PTPRM: variants seen among roughly 807,000 people sequenced by gnomAD.
PTPRM encodes the protein protein tyrosine phosphatase receptor type M.
A neutral mutation model predicts 186.7 loss-of-function variants in PTPRM; 47 were observed. The ratio of observed to expected loss-of-function variants is 0.25; its 90% CI spans 0.20 to 0.32. The LOEUF (loss-of-function observed/expected upper bound fraction) is 0.32, where lower values mean the gene tolerates loss of function less well. Ranked by LOEUF, PTPRM falls within the 10% of genes least tolerant of loss-of-function variation. The pLI, the probability that PTPRM is intolerant of heterozygous loss-of-function variation, is 1.00. For synonymous variants in PTPRM, 668 were observed against 674.9 expected, an observed-to-expected ratio of 0.99 and a Z score of 0.16; for missense variants, 1,494 against 1,865.0, an observed-to-expected ratio of 0.80 and a Z score of 3.66.
chr18:7,742,311 C>CA (rs923273920), intron 1 of PTPRM, among the ~76,000 whole-genome samples: 27 of 151,954 alleles, frequency 1.8e-4, no homozygotes, highest in Non-Finnish European at 3.7e-4. Flanking sequence ...GAATGGATGC[C>CA]AAAAAATGGG....
intron 19 of PTPRM, among the ~76,000 whole-genome samples, chr18:8,273,315 G>A (rs913975766): frequency 6.6e-6 from 1 of 152,144 alleles, no homozygotes; most frequent in African/African-American, 2.4e-5. Flanking sequence ...GTAAAATGGA[G>A]TGAATATCTG....
chr18:8,119,663 C>G (rs1376165318), intron 13 of PTPRM, among the ~76,000 whole-genome samples: 2 of 151,980 alleles, frequency 1.3e-5, no homozygotes, highest in Admixed American at 1.3e-4. Context: ...CCGGAAAAAC[C>G]CTATGCTTTC....
At chr18:8,229,198 C>T (rs1222156236) in intron 14 of PTPRM, among the ~76,000 whole-genome samples, 1 of 152,024 alleles carries the variant, frequency 6.6e-6, no homozygotes, top group Non-Finnish European at 1.5e-5. Context: ...TACCACATGC[C>T]AGGCACTTTC....
chr18:8,390,530 C>T (rs1303083514), intron 31 of PTPRM, among the ~76,000 whole-genome samples: 3 of 152,124 alleles, frequency 2.0e-5, no homozygotes, highest in African/African-American at 4.8e-5. Flanking sequence ...ACAAAGGACT[C>T]GGCCACAATG....
intron 22 of PTPRM, among the ~76,000 whole-genome samples, chr18:8,342,936 G>GA (rs33915601): frequency 1.9e-4 from 29 of 151,060 alleles, no homozygotes; most frequent in African/African-American, 5.6e-4. Context: ...AAGTCAAGCA[G>GA]AAAAAAAAAT....
intron 14 of PTPRM, among the ~76,000 whole-genome samples, chr18:8,189,534 G>T (rs778435246): frequency 1.3e-5 from 2 of 152,138 alleles, no homozygotes; most frequent in Admixed American, 6.5e-5. Flanking sequence ...AGCCCAAAGC[G>T]AAATAAAGCC....
intron 5 of PTPRM, among the ~76,000 whole-genome samples, chr18:7,935,035 A>G (rs1393595907): frequency 6.6e-6 from 1 of 151,038 alleles, no homozygotes; most frequent in Non-Finnish European, 1.5e-5. Context: ...TTTGTTGATT[A>G]TAAGGAAAAA....
At chr18:8,044,407 A>G (rs1600229032) in intron 7 of PTPRM, among the ~76,000 whole-genome samples, 1 of 152,170 alleles carries the variant, frequency 6.6e-6, no homozygotes, top group African/African-American at 2.4e-5. Flanking sequence ...TGGATCATCT[A>G]GTGAATGGAG....
intron 19 of PTPRM, among the ~76,000 whole-genome samples, chr18:8,255,628 A>G (rs2094567397): frequency 6.6e-6 from 1 of 152,250 alleles, no homozygotes; most frequent in Non-Finnish European, 1.5e-5. Flanking sequence ...TTCATTTAAA[A>G]AAAAAGAAGG....
intron 1 of PTPRM, among the ~76,000 whole-genome samples, chr18:7,742,488 G>C (rs995621902): frequency 6.6e-6 from 1 of 152,122 alleles, no homozygotes; most frequent in African/African-American, 2.4e-5. Context: ...TATTTATAGT[G>C]CCAGGAAATT....
At chr18:8,240,296 A>G (rs2094400388) in intron 14 of PTPRM, among the ~76,000 whole-genome samples, 1 of 151,832 alleles carries the variant, frequency 6.6e-6, no homozygotes, top group South Asian at 2.1e-4. Flanking sequence ...TCTTTTGGGT[A>G]TATTGTATTT....
At chr18:8,235,736 T>G (rs533292741) in intron 14 of PTPRM, among the ~76,000 whole-genome samples, 4 of 152,278 alleles carry the variant, frequency 2.6e-5, no homozygotes, top group African/African-American at 9.6e-5. Context: ...TAAGCACCTC[T>G]TTTGCTACAT....
intron 14 of PTPRM, among the ~76,000 whole-genome samples, chr18:8,232,264 C>T (rs2094296266): frequency 6.6e-6 from 1 of 152,230 alleles, no homozygotes; most frequent in Admixed American, 6.5e-5. Context: ...AAGTTTCCTC[C>T]ATGCCTGTTC....
intron 5 of PTPRM, among the ~76,000 whole-genome samples, chr18:7,927,389 T>C (rs1053519098): frequency 2.0e-5 from 3 of 152,178 alleles, no homozygotes; most frequent in Non-Finnish European, 4.4e-5. Flanking sequence ...TTCTTTCTTT[T>C]AAGCATTAAT....
chr18:7,605,542 G>A (rs1296357781), intron 1 of PTPRM, among the ~76,000 whole-genome samples: 1 of 152,164 alleles, frequency 6.6e-6, no homozygotes, highest in Non-Finnish European at 1.5e-5. Flanking sequence ...GAGGCAAGGT[G>A]AAAATGAGCT....
At chr18:7,883,728 G>A (rs2048622679) in intron 2 of PTPRM, among the ~76,000 whole-genome samples, 1 of 152,186 alleles carries the variant, frequency 6.6e-6, no homozygotes, top group Non-Finnish European at 1.5e-5. Flanking sequence ...AAGGTTTTGT[G>A]TTATCTCAGT....
intron 7 of PTPRM, among the ~76,000 whole-genome samples, chr18:7,982,579 T>C (rs2082616912): frequency 6.6e-6 from 1 of 152,122 alleles, no homozygotes; most frequent in African/African-American, 2.4e-5. Context: ...AAGTATATTA[T>C]AGTAAAACCA....
chr18:8,249,539 T>C (rs1362831806), intron 17 of PTPRM, among the ~76,000 whole-genome samples: 1 of 152,184 alleles, frequency 6.6e-6, no homozygotes, highest in Non-Finnish European at 1.5e-5. Flanking sequence ...GCAGAATCTT[T>C]TGATAGGCGA....
chr18:7,779,447 C>T (rs2042751266), intron 2 of PTPRM, among the ~76,000 whole-genome samples: 1 of 152,168 alleles, frequency 6.6e-6, no homozygotes, highest in African/African-American at 2.4e-5. Flanking sequence ...CAGGATGGAG[C>T]AGCGTGTGCA....
Sources: gnomAD v4.1 joint callset for allele counts (sites outside exome capture counted in the v4.1 genomes callset) on GRCh38, gnomAD v4.1.1 for gene constraint, MANE v1.5 for transcripts, NCBI Gene and HGNC (gene_info 2026-07-23, HGNC 2026-07-21) for gene names.